CHST15: variants seen among roughly 807,000 people sequenced by gnomAD.
CHST15 encodes the protein B cell RAG associated protein (GALNAC4S-6ST).
Under a neutral mutation model 53.6 loss-of-function variants are expected in CHST15, and 30 were observed. That is an observed-to-expected ratio of 0.56 (90% CI 0.42 to 0.76). The LOEUF (loss-of-function observed/expected upper bound fraction) is 0.76, where lower values mean the gene tolerates loss of function less well. Ranked by LOEUF, CHST15 falls within the 30% of genes least tolerant of loss-of-function variation. The pLI is 0.00. For missense variants in CHST15, 627 were observed against 740.5 expected (o/e 0.85, Z 1.78); for synonymous variants, 296 against 289.8 (o/e 1.02, Z -0.22).
intron 1 of CHST15, among the ~76,000 whole-genome samples, chr10:124,084,334 G>A (rs780187122): frequency 5.3e-5 from 8 of 152,150 alleles, no homozygotes; most frequent in Non-Finnish European, 1.0e-4. Context: ...GCCAGTTGGG[G>A]GCCCACCTGC....
At chr10:124,043,766 A>G (rs989332766) in intron 3 of CHST15, among the ~76,000 whole-genome samples, 1 of 152,264 alleles carries the variant, frequency 6.6e-6, no homozygotes, top group Admixed American at 6.5e-5. Context: ...TGTGGTTATC[A>G]TATGGAACCC....
At chr10:124,032,347 C>T (rs1185755537) in intron 5 of CHST15, among the ~76,000 whole-genome samples, 2 of 152,082 alleles carry the variant, frequency 1.3e-5, no homozygotes, top group Non-Finnish European at 2.9e-5. Context: ...TAAGACTACA[C>T]ACAGAATCAA....
rs140208981 is a variant in CHST15, at chr10:124,079,903, C to T, written c.-513+13566G>A. Among the ~76,000 whole-genome samples, 1,085 of 152,326 alleles carry T rather than the reference C, an allele frequency of 7.1e-3. 5 individuals are homozygous for T. Among genetic ancestry groups the T allele is most frequent in the Non-Finnish European group, 0.012 (810 of 68,030 alleles). On this transcript the variant is annotated intron_variant, in intron 1 of 7. Transcript: ENST00000435907. ...GGAACTGTCACCAAATTCAAGTTAA[C>T]GGCCTGTGTTCACCTTTGGGAATTC...
At chr10:124,050,869 C>G (rs1000072657) in intron 1 of CHST15, among the ~76,000 whole-genome samples, 4 of 152,100 alleles carry the variant, frequency 2.6e-5, no homozygotes, top group African/African-American at 9.7e-5. Context: ...GAGGCAGGGA[C>G]CAGGCTCTGT....
chr10:124,093,276 C>G (rs1215542214), intron 1 of CHST15, among the ~76,000 whole-genome samples, 193 bp downstream of exon 1: 1 of 151,546 alleles, frequency 6.6e-6, no homozygotes, highest in Non-Finnish European at 1.5e-5. Flanking sequence ...GCCACCACCG[C>G]GCCGGGAGCG....
chr10:124,034,652 C>G (rs1278296677), intron 5 of CHST15, among the ~76,000 whole-genome samples: 1 of 146,826 alleles, frequency 6.8e-6, no homozygotes, highest in African/African-American at 2.6e-5. Context: ...GGCTCCACCC[C>G]TAACAGGGAC....
chr10:124,078,450 G>T (rs1359793880), intron 1 of CHST15, among the ~76,000 whole-genome samples: 1 of 152,222 alleles, frequency 6.6e-6, no homozygotes, highest in Non-Finnish European at 1.5e-5. Flanking sequence ...ACTCAATGCA[G>T]CCTGGTTTCC....
Position 124,007,917 on chromosome 10 carries a change from A to G in CHST15, c.*2232T>C, listed in dbSNP as rs879652199. ...GCTCGAGAACCACCGCCCAGAACGGAACCTATTCTGTCAGCAAGAGCCGGG... is the reference window on the plus strand; with the variant it reads ...GCTCGAGAACCACCGCCCAGAACGGGACCTATTCTGTCAGCAAGAGCCGGG... On this transcript the variant is annotated 3_prime_UTR_variant, in exon 8 of 8. Transcript: ENST00000435907. The G allele has an allele frequency of 3.5e-5, 43 of 1,232,086 alleles. No individual in the cohort carries two copies. The East Asian group carries it at 1.3e-3, about 38-fold the overall frequency. 76.3% of individuals were successfully genotyped at this position (1,232,086 alleles called of 1,614,324 possible). A position where few individuals can be genotyped will look rare whatever the true frequency, so the allele number is the denominator to read the frequency against.
chr10:124,093,275 G>A (rs1211825441), intron 1 of CHST15, among the ~76,000 whole-genome samples, 194 bp downstream of exon 1: 1 of 151,458 alleles, frequency 6.6e-6, no homozygotes, highest in African/African-American at 2.4e-5. Context: ...CGCCACCACC[G>A]CGCCGGGAGC....
At chr10:124,078,211 C>A (rs1028287292) in intron 1 of CHST15, among the ~76,000 whole-genome samples, 5 of 152,152 alleles carry the variant, frequency 3.3e-5, no homozygotes, top group Admixed American at 2.6e-4. Context: ...ACTGTGCAGG[C>A]CTGAGCCAAG....
In CHST15 at chr10:124,046,638, T is replaced by C. The variant is rs1421169877; in HGVS notation, c.-426A>G. On this transcript the variant is annotated 5_prime_UTR_variant, in exon 2 of 8. An upstream start codon of the reference 5' UTR is lost. Coordinates refer to ENST00000435907, the MANE Select transcript of CHST15 (RefSeq NM_001270764.2). ...GATTGCCATGCCATCCACGGAGGCA[T>C]CTGTGAAGATCTCCCCTTTTACATC... is the stretch of plus-strand genomic sequence containing the variant. 1 of 158,790 alleles carries C rather than the reference T, an allele frequency of 6.3e-6. No homozygotes were observed. The highest frequency in any genetic ancestry group is 2.4e-5 in the African/African-American group (1 of 41,666). The allele number at this position is 158,790 out of a possible 1,614,324, so 9.8% of individuals were successfully genotyped here. A position where few individuals can be genotyped will look rare whatever the true frequency, so the allele number is the denominator to read the frequency against.
At position 124,008,477 on chromosome 10, in the gene CHST15, A is replaced by T; in HGVS notation, c.*1672T>A. The T allele has an allele frequency of 2.0e-6, 2 of 991,092 alleles. No homozygotes were observed. The highest frequency in any genetic ancestry group is 2.4e-6 in the Non-Finnish European group (2 of 833,120). The allele number at this position is 991,092 out of a possible 1,614,324, so 61.4% of individuals were successfully genotyped here. ...CTGCTCCCAGTGCCGGCTATAGAGA[A>T]GGTGGGGACTGTCCCTGCAAGTGGG... On this transcript the variant is annotated 3_prime_UTR_variant, in exon 8 of 8. Coordinates refer to ENST00000435907, the MANE Select transcript of CHST15 (RefSeq NM_001270764.2).
At chr10:124,066,781 G>C (rs1455774442) in intron 1 of CHST15, among the ~76,000 whole-genome samples, 1 of 152,230 alleles carries the variant, frequency 6.6e-6, no homozygotes, top group Non-Finnish European at 1.5e-5. Context: ...CCCTCCTGGG[G>C]AGGTGGGCTC....
At chr10:124,021,089 T>C in intron 6 of CHST15, 167 bp downstream of exon 6, 1 of 1,476,448 alleles carries the variant, frequency 6.8e-7, no homozygotes, top group Non-Finnish European at 9.0e-7. Context: ...CCATCAGTTT[T>C]CAGCTTTTAC....
intron 5 of CHST15, among the ~76,000 whole-genome samples, chr10:124,031,372 T>C (rs1159419897): frequency 6.6e-6 from 1 of 152,332 alleles, no homozygotes; most frequent in East Asian, 1.9e-4. Context: ...GGTGATGTCA[T>C]TATGTGAATG....
chr10:124,083,986 G>A (rs1420884931), intron 1 of CHST15, among the ~76,000 whole-genome samples: 1 of 152,214 alleles, frequency 6.6e-6, no homozygotes, highest in Non-Finnish European at 1.5e-5. Flanking sequence ...CAAGGCTCAC[G>A]GTTTCTAAGC....
intron 1 of CHST15, among the ~76,000 whole-genome samples, chr10:124,073,418 G>A (rs1167471316): frequency 6.6e-6 from 1 of 152,222 alleles, no homozygotes; most frequent in Non-Finnish European, 1.5e-5. Flanking sequence ...GTGCTGAGAG[G>A]TGGTTAATGA....
At position 124,035,046 on chromosome 10, in the gene CHST15, CCT is replaced by C. The variant is rs576468177; in HGVS notation, c.1190+3467_1190+3468del. On this transcript the variant is annotated intron_variant, in intron 5 of 7. Coordinates refer to ENST00000435907, the MANE Select transcript of CHST15 (RefSeq NM_001270764.2). ...CCCTAACAGGGACCCTGGCTCTACC[CCT>C]GATAGGTACCCCGGCTCCACCCCCT... Among the ~76,000 whole-genome samples, 299 of 145,168 alleles carry C rather than the reference CCT, an allele frequency of 2.1e-3. 4 individuals are homozygous for C. Among genetic ancestry groups the C allele is most frequent in the African/African-American group, 7.4e-3 (285 of 38,380 alleles).
chr10:124,050,379 AG>A (rs1410583595), intron 1 of CHST15, among the ~76,000 whole-genome samples: 1 of 152,254 alleles, frequency 6.6e-6, no homozygotes, highest in Non-Finnish European at 1.5e-5. Flanking sequence ...AAGGCTATGC[AG>A]AAAAGAATAA....
Sources: gnomAD v4.1 joint callset for allele counts (sites outside exome capture counted in the v4.1 genomes callset) on GRCh38, gnomAD v4.1.1 for gene constraint, MANE v1.5 for transcripts, NCBI Gene and HGNC (gene_info 2026-07-23, HGNC 2026-07-21) for gene names.